Variants in NAALADL2 observed in about 807,000 individuals in gnomAD.
NAALADL2 encodes the protein N-acetylated alpha-linked acidic dipeptidase like 2.
In NAALADL2, 76 loss-of-function variants were observed where a neutral mutation model predicts 87.2. The observed-to-expected ratio is 0.87, with a 90% CI of 0.72 to 1.05. NAALADL2 has a LOEUF of 1.05. NAALADL2 is among the 50% of genes least tolerant of loss of function. The pLI is 0.00. For missense variants in NAALADL2, 1,089 were observed against 945.8 expected (o/e 1.15, Z -1.99); for synonymous variants, 354 against 331.0 (o/e 1.07, Z -0.75).
chr3:174,954,819 G>T (rs1403888357), intron 1 of NAALADL2, among the ~76,000 whole-genome samples: 1 of 152,022 alleles, frequency 6.6e-6, no homozygotes, highest in Admixed American at 6.6e-5. Flanking sequence ...CTGGCTAAAA[G>T]ACCTTGTAAG....
chr3:175,014,716 G>T (rs1254780667), intron 1 of NAALADL2, among the ~76,000 whole-genome samples: 1 of 151,980 alleles, frequency 6.6e-6, no homozygotes, highest in Non-Finnish European at 1.5e-5. Context: ...TATTTTACAG[G>T]ATTACAAAAT....
intron 11 of NAALADL2, among the ~76,000 whole-genome samples, chr3:175,669,108 G>T (rs1030134996): frequency 2.6e-5 from 4 of 152,006 alleles, no homozygotes; most frequent in Admixed American, 6.6e-5. Context: ...CATATCTATT[G>T]TCATATATTC....
rs968856777 is a variant in NAALADL2, at chr3:174,957,679, A to G, written c.43+98229A>G. Among the ~76,000 whole-genome samples, 5 of 151,070 alleles carry G rather than the reference A, an allele frequency of 3.3e-5. No homozygotes were observed. In the East Asian group the frequency reaches 7.8e-4, roughly 24 times the overall value. Reference sequence around the variant, plus strand: ...AGTGTAATATTTGCCTCTTTGATTTATTTTTAGGCTTGGAATAGAATCTTT... The same window carrying G: ...AGTGTAATATTTGCCTCTTTGATTTGTTTTTAGGCTTGGAATAGAATCTTT... On this transcript the variant is annotated intron_variant, in intron 1 of 13. Transcript: ENST00000454872.
In NAALADL2 at chr3:174,632,671, C is replaced by T. The variant is rs183339033; in HGVS notation, c.-115+82034C>T. 1.4e-4 allele frequency among the ~76,000 whole-genome samples: 21 copies of T among 152,092 alleles called. 1 individual carries two copies. The highest frequency in any genetic ancestry group is 2.4e-5 in the African/African-American group (1 of 41,432). On this transcript the variant is annotated intron_variant, in intron 2 of 3. Coordinates refer to the NAALADL2 transcript ENST00000434257. ...TCAGCACAGGCTGGGTGCAGTGGCT[C>T]ATGCCTGTAATCCCAGCACTTTGGG...
chr3:175,180,889 G>T (rs1190574012), intron 2 of NAALADL2, among the ~76,000 whole-genome samples: 1 of 151,992 alleles, frequency 6.6e-6, no homozygotes, highest in Non-Finnish European at 1.5e-5. Flanking sequence ...GAATTGTAAT[G>T]AGGTTAAATA....
chr3:174,538,408 G>C (rs999505752), intron 1 of NAALADL2, among the ~76,000 whole-genome samples: 1 of 152,036 alleles, frequency 6.6e-6, no homozygotes, highest in African/African-American at 2.4e-5. Context: ...CAGAGAACTC[G>C]AGACTGACAA....
intron 10 of NAALADL2, among the ~76,000 whole-genome samples, chr3:175,588,813 T>C (rs546443789): frequency 5.5e-4 from 83 of 152,212 alleles, no homozygotes; most frequent in East Asian, 3.1e-3. Flanking sequence ...GCTGGGATTA[T>C]AGGCGTGAGC....
chr3:175,456,132 T>C (rs776373793), intron 6 of NAALADL2, among the ~76,000 whole-genome samples: 3 of 152,064 alleles, frequency 2.0e-5, no homozygotes, highest in Non-Finnish European at 2.9e-5. Flanking sequence ...TTGTTAGTTA[T>C]CACGGAAGAA....
chr3:175,011,179 C>G (rs1037173489), intron 1 of NAALADL2, among the ~76,000 whole-genome samples: 22 of 151,370 alleles, frequency 1.5e-4, no homozygotes, highest in African/African-American at 5.3e-4. Context: ...ATTCTCTTGG[C>G]CATAGTTGAG....
At chr3:175,304,001 C>T (rs1452937653) in intron 4 of NAALADL2, among the ~76,000 whole-genome samples, 1 of 147,020 alleles carries the variant, frequency 6.8e-6, no homozygotes, top group African/African-American at 2.7e-5. Context: ...TAGTTTCATA[C>T]CATTAGGATT....
chr3:174,572,140 A>G (rs1407716014), intron 2 of NAALADL2, among the ~76,000 whole-genome samples: 1 of 151,776 alleles, frequency 6.6e-6, no homozygotes, highest in Non-Finnish European at 1.5e-5. Context: ...CTTTCTTCTT[A>G]GTTATTGAGA....
Position 174,672,454 on chromosome 3 carries a change from C to A in NAALADL2, c.-114-65187C>A, listed in dbSNP as rs114213519. ...TATCATATGGAAATAGAACATTGAG[C>A]AAATCAGATAAAAATTCTGACCTTC... On this transcript the variant is annotated intron_variant, in intron 2 of 3. Coordinates refer to the NAALADL2 transcript ENST00000434257. 4.8e-3 allele frequency among the ~76,000 whole-genome samples: 486 copies of A among 102,126 alleles called. 1 individual carries two copies. The highest frequency in any genetic ancestry group is 0.011 in the Admixed American group (93 of 8,388). 67.0% of individuals were successfully genotyped at this position (102,126 alleles called of 152,430 possible). A position where few individuals can be genotyped will look rare whatever the true frequency, so the allele number is the denominator to read the frequency against.
intron 2 of NAALADL2, among the ~76,000 whole-genome samples, chr3:174,699,982 A>G (rs1377587083): frequency 1.3e-5 from 2 of 151,872 alleles, no homozygotes; most frequent in Non-Finnish European, 2.9e-5. Flanking sequence ...TTGCATAGCC[A>G]TTGCTGGAAG....
At chr3:175,082,105 G>C (rs1560001404) in intron 1 of NAALADL2, among the ~76,000 whole-genome samples, 1 of 151,962 alleles carries the variant, frequency 6.6e-6, no homozygotes, top group East Asian at 1.9e-4. Context: ...GAATCTTCAA[G>C]GCATCAATTT....
chr3:174,981,023 G>A (rs1005842599), intron 1 of NAALADL2, among the ~76,000 whole-genome samples: 1 of 151,794 alleles, frequency 6.6e-6, no homozygotes, highest in Non-Finnish European at 1.5e-5. Flanking sequence ...AAAGCCCTAG[G>A]GTAAATTCTA....
intron 5 of NAALADL2, among the ~76,000 whole-genome samples, chr3:175,354,828 C>T (rs981165809): frequency 1.3e-5 from 2 of 150,908 alleles, no homozygotes; most frequent in Non-Finnish European, 3.0e-5. Context: ...GCATATATTA[C>T]TCTTGTTTGC....
intron 1 of NAALADL2, among the ~76,000 whole-genome samples, chr3:174,970,571 A>G (rs747319743): frequency 6.6e-6 from 1 of 152,214 alleles, no homozygotes; most frequent in Non-Finnish European, 1.5e-5. Flanking sequence ...ATTAATATAA[A>G]TGAGGTAAAT....
chr3:175,697,372 T>A (rs1017056918), intron 11 of NAALADL2, among the ~76,000 whole-genome samples: 2 of 150,242 alleles, frequency 1.3e-5, no homozygotes, highest in African/African-American at 5.0e-5. Context: ...CAACTACTTA[T>A]AATGTGCTAG....
At chr3:175,301,119 G>C (rs1251474399) in intron 4 of NAALADL2, among the ~76,000 whole-genome samples, 1 of 152,052 alleles carries the variant, frequency 6.6e-6, no homozygotes, top group African/African-American at 2.4e-5. Flanking sequence ...TCTGATCTTA[G>C]TTATGTCTTG....
Sources: allele counts gnomAD v4.1 joint callset (sites outside exome capture counted in the v4.1 genomes callset), GRCh38; gene constraint gnomAD v4.1.1; transcripts MANE v1.5; gene names NCBI Gene and HGNC (gene_info 2026-07-23, HGNC 2026-07-21).